SRD5A2: variants seen among roughly 807,000 people sequenced by gnomAD.
SRD5A2 encodes the protein 3-oxo-5-alpha-steroid 4-dehydrogenase 2.
SRD5A2 carries 30 observed loss-of-function variants against 27.4 expected under a neutral mutation model. The ratio of observed to expected loss-of-function variants is 1.10; its 90% CI spans 0.82 to 1.49. The LOEUF (loss-of-function observed/expected upper bound fraction) is 1.49. Among genes scored for constraint, SRD5A2 ranks in the 40% most tolerant of loss-of-function variants. SRD5A2 has a pLI of 0.00. For missense variants in SRD5A2, 348 were observed against 323.4 expected, an observed-to-expected ratio of 1.08 and a Z score of -0.58; for synonymous variants, 141 against 133.6, an observed-to-expected ratio of 1.06 and a Z score of -0.38.
At chr2:31,637,011 C>A in the SRD5A2 span, among the ~76,000 whole-genome samples, 2 of 152,002 alleles carry the variant, frequency 1.3e-5, no homozygotes, top group Non-Finnish European at 2.9e-5. Flanking sequence ...GTATTTCCTT[C>A]TTTTCCATTT....
At chr2:31,603,890 T>G in the SRD5A2 span, among the ~76,000 whole-genome samples, 1,368 of 151,898 alleles carry the variant, frequency 9.0e-3, 18 homozygotes, top group South Asian at 0.029. Flanking sequence ...CTGAGGCCTG[T>G]CAGAGGGTGT....
Position 31,526,040 on chromosome 2 carries a change from A to G in SRD5A2, c.*156T>C. On this transcript the variant is annotated 3_prime_UTR_variant, in exon 5 of 5. Coordinates refer to ENST00000622030, the MANE Select transcript of SRD5A2 (RefSeq NM_000348.4). The stretch of plus-strand genomic sequence containing the variant: ...GGAAGGGTAGGAGTAAACTCTAAGC[A>G]GACACCACTCAGAATCCCCAGGCCA... 1.8e-6 allele frequency: 1 copy of G among 563,486 alleles called. No individual in the cohort carries two copies. The highest frequency in any genetic ancestry group is 3.1e-6 in the Non-Finnish European group (1 of 318,490). The allele number at this position is 563,486 out of a possible 1,614,324, so 34.9% of individuals were successfully genotyped here.
At chr2:31,609,468 T>C in the SRD5A2 span, among the ~76,000 whole-genome samples, 1 of 152,148 alleles carries the variant, frequency 6.6e-6, no homozygotes, top group Admixed American at 6.6e-5. Flanking sequence ...TATACATCTA[T>C]GGTCAACTGA....
At chr2:31,588,856 G>A in the SRD5A2 span, among the ~76,000 whole-genome samples, 130 of 152,198 alleles carry the variant, frequency 8.5e-4, no homozygotes, top group Non-Finnish European at 9.3e-4. Context: ...GGAAAATGGT[G>A]GATAGCAGAC....
intron 1 of SRD5A2, among the ~76,000 whole-genome samples, chr2:31,568,548 C>T (rs1666785176): frequency 6.6e-6 from 1 of 152,110 alleles, no homozygotes; most frequent in Admixed American, 6.5e-5. Flanking sequence ...CCATGGGCCA[C>T]CATGAGCAGG....
At chr2:31,624,016 T>G in the SRD5A2 span, among the ~76,000 whole-genome samples, 3 of 152,180 alleles carry the variant, frequency 2.0e-5, no homozygotes, top group Non-Finnish European at 4.4e-5. Flanking sequence ...AGTATTTTAT[T>G]GAGGATTTTT....
chr2:31,593,164 G>A, the SRD5A2 span, among the ~76,000 whole-genome samples: 20 of 152,106 alleles, frequency 1.3e-4, no homozygotes, highest in African/African-American at 4.8e-4. Context: ...AATGCTAAAT[G>A]ACGAGTTAAT....
chr2:31,606,783 C>G, the SRD5A2 span, among the ~76,000 whole-genome samples: 1 of 151,906 alleles, frequency 6.6e-6, no homozygotes, highest in Non-Finnish European at 1.5e-5. Context: ...AAACAATCAG[C>G]CCATATTAGC....
At chr2:31,579,795 C>A (rs1667032661) in intron 1 of SRD5A2, among the ~76,000 whole-genome samples, 1 of 152,214 alleles carries the variant, frequency 6.6e-6, no homozygotes, top group Non-Finnish European at 1.5e-5. Context: ...GACAGTCTTT[C>A]TCTGAACCCT....
chr2:31,622,481 T>C, the SRD5A2 span, among the ~76,000 whole-genome samples: 192 of 152,206 alleles, frequency 1.3e-3, 10 homozygotes, highest in East Asian at 0.032. Flanking sequence ...CTCAGGTGAA[T>C]ATGACGGAAG....
chr2:31,648,654 C>T, the SRD5A2 span, among the ~76,000 whole-genome samples: 1 of 152,218 alleles, frequency 6.6e-6, no homozygotes, highest in African/African-American at 2.4e-5. Context: ...AGAATCTATT[C>T]AGTTCACATT....
At chr2:31,537,330 TTGCTTA>T (rs1272680594) in intron 1 of SRD5A2, among the ~76,000 whole-genome samples, 9 of 152,098 alleles carry the variant, frequency 5.9e-5, no homozygotes, top group African/African-American at 2.2e-4. Flanking sequence ...CTCCAGAGAG[TTGCTTA>T]TGCTCACCAT....
At chr2:31,579,729 G>A (rs902068127) in intron 1 of SRD5A2, among the ~76,000 whole-genome samples, 2 of 152,216 alleles carry the variant, frequency 1.3e-5, no homozygotes, top group African/African-American at 4.8e-5. Context: ...GGGCATGGTA[G>A]GCAATTTAAC....
At chr2:31,623,725 T>C in the SRD5A2 span, among the ~76,000 whole-genome samples, 65 of 152,250 alleles carry the variant, frequency 4.3e-4, no homozygotes, top group Middle Eastern at 3.4e-3. Flanking sequence ...TTTAGTATGA[T>C]GTTGGCTGTG....
the SRD5A2 span, among the ~76,000 whole-genome samples, chr2:31,628,806 T>G: frequency 6.6e-6 from 1 of 152,174 alleles, no homozygotes; most frequent in Non-Finnish European, 1.5e-5. Context: ...TGCTTACAGG[T>G]CTACTGTTAG....
the SRD5A2 span, among the ~76,000 whole-genome samples, chr2:31,644,603 T>C: frequency 5.3e-3 from 812 of 152,322 alleles, 9 homozygotes; most frequent in Non-Finnish European, 4.7e-3. Flanking sequence ...GGTGATGCTC[T>C]CTGGCCTGCG....
intron 1 of SRD5A2, among the ~76,000 whole-genome samples, chr2:31,543,876 C>T (rs1179036332): frequency 1.3e-5 from 2 of 152,006 alleles, no homozygotes; most frequent in Non-Finnish European, 1.5e-5. Context: ...ATGTATTAAA[C>T]TCTTCAACCA....
chr2:31,609,779 G>C, the SRD5A2 span, among the ~76,000 whole-genome samples: 4 of 151,926 alleles, frequency 2.6e-5, no homozygotes, highest in Non-Finnish European at 5.9e-5. Flanking sequence ...CTACCATCAG[G>C]AAAGTGAAAA....
At chr2:31,624,912 C>A in the SRD5A2 span, among the ~76,000 whole-genome samples, 169 of 152,286 alleles carry the variant, frequency 1.1e-3, no homozygotes, top group African/African-American at 3.9e-3. Context: ...ATTTCTAGTT[C>A]TAGATCCTTG....
Sources: allele counts gnomAD v4.1 joint callset (sites outside exome capture counted in the v4.1 genomes callset), GRCh38; gene constraint gnomAD v4.1.1; transcripts MANE v1.5; gene names NCBI Gene and HGNC (gene_info 2026-07-23, HGNC 2026-07-21).